HHIP: variants seen among roughly 807,000 people sequenced by gnomAD.
The protein encoded by HHIP is hedgehog interacting protein.
A neutral mutation model predicts 74.0 loss-of-function variants in HHIP; 12 were observed. That is an observed-to-expected ratio of 0.16 (90% CI 0.10 to 0.26). The LOEUF (loss-of-function observed/expected upper bound fraction) is 0.26. Among genes scored for constraint, HHIP ranks in the 10% least tolerant of loss-of-function variants. HHIP has a pLI of 1.00. For missense variants in HHIP, 788 were observed against 845.0 expected (o/e 0.93, Z 0.84); for synonymous variants, 309 against 311.6 (o/e 0.99, Z 0.09).
At chr4:144,665,598 T>C (rs969538581) in intron 4 of HHIP, among the ~76,000 whole-genome samples, 1 of 152,232 alleles carries the variant, frequency 6.6e-6, no homozygotes, top group Admixed American at 6.5e-5. Context: ...TAATGTGAAA[T>C]AACCTCAGTG....
At position 144,659,710 on chromosome 4, in the gene HHIP, A is replaced by G. The variant is rs769568380; in HGVS notation, c.703A>G (p.Ser235Gly). ...GCGGCAGCCCGTTGGTGCCCTGCAT[A>G]GTGGGGATGGCTCGCAACGTCTCTT... Reference protein sequence around the residue: ...GLRQPVGALHSGDGSQRLFIL... With the variant: ...GLRQPVGALHGGDGSQRLFIL... Residue 235 changes from serine (S) to glycine (G), a missense_variant, in exon 4 of 13, where the codon AGT becomes GGT. Ser to Gly is a moderately conservative substitution (Grantham distance 56, BLOSUM62 0). Around this residue, in one of 3 missense-constraint regions of HHIP, gnomAD observed 373 missense variants for 366.4 expected, o/e 1.02. Transcript: ENST00000296575. 1.9e-6 allele frequency: 3 copies of G among 1,608,238 alleles called. No homozygotes were observed. The highest frequency in any genetic ancestry group is 1.1e-5 in the South Asian group (1 of 89,614).
intron 4 of HHIP, among the ~76,000 whole-genome samples, chr4:144,684,789 A>G (rs1729442769): frequency 6.6e-6 from 1 of 152,184 alleles, no homozygotes. Context: ...AGTGAAAAGA[A>G]AGTGGCATTG....
intron 11 of HHIP, among the ~76,000 whole-genome samples, chr4:144,727,216 A>G (rs1488565994): frequency 6.6e-6 from 1 of 152,114 alleles, no homozygotes; most frequent in Non-Finnish European, 1.5e-5. Context: ...ACATATTGCC[A>G]CCTTCTCACT....
chr4:144,714,236 T>A lies in HHIP; in HGVS notation c.1435T>A (p.Ser479Thr). 6.2e-7 allele frequency: 1 copy of A among 1,612,968 alleles called. No individual in the cohort carries two copies. Among genetic ancestry groups the A allele is most frequent in the South Asian group, 1.1e-5 (1 of 91,022 alleles). ...IKGKDYESEP[S>T]LLEFKPFSNG... ...ATGTTTCTTTCCAGAAAGTGAGCCA[T>A]CACTTTTAGAATTCAAGCCATTCAG... is the stretch of plus-strand genomic sequence containing the variant. The change falls in exon 9 of 13, where the codon TCA becomes ACA. Residue 479 changes from serine (S) to threonine (T), a missense_variant. Around this residue, in one of 3 missense-constraint regions of HHIP, gnomAD observed 343 missense variants for 347.9 expected, o/e 0.99. Coordinates refer to ENST00000296575, the MANE Select transcript of HHIP (RefSeq NM_022475.3).
intron 4 of HHIP, among the ~76,000 whole-genome samples, chr4:144,689,316 T>C (rs1729580389): frequency 6.6e-6 from 1 of 152,252 alleles, no homozygotes; most frequent in Non-Finnish European, 1.5e-5. Context: ...AAGGAAATTA[T>C]GAGAATGACA....
At chr4:144,729,167 A>G (rs529622153) in intron 11 of HHIP, among the ~76,000 whole-genome samples, 2 of 152,288 alleles carry the variant, frequency 1.3e-5, no homozygotes, top group African/African-American at 4.8e-5. Flanking sequence ...CCACAGATGG[A>G]AGACAGTAAA....
At position 144,714,984 on chromosome 4, in the gene HHIP, C is replaced by G. The variant is rs1730404267; in HGVS notation, c.1548-316C>G. ...CTGACCCCATGCTCTTCCCCTGTTC[C>G]TCTCTCTGATTAATAGCACAGCATG... On this transcript the variant is annotated intron_variant, in intron 9 of 12. Coordinates refer to ENST00000296575, the MANE Select transcript of HHIP (RefSeq NM_022475.3). 3 of 214,576 alleles carry G rather than the reference C, an allele frequency of 1.4e-5. No individual in the cohort carries two copies. The South Asian group carries it at 2.3e-4, about 17-fold the overall frequency. The allele number at this position is 214,576 out of a possible 1,614,324, so 13.3% of individuals were successfully genotyped here.
At chr4:144,655,977 A>T (rs896096980) in intron 2 of HHIP, among the ~76,000 whole-genome samples, 3 of 152,176 alleles carry the variant, frequency 2.0e-5, no homozygotes, top group Non-Finnish European at 4.4e-5. Flanking sequence ...ACTTAAAAAA[A>T]ATACAGCTGC....
At chr4:144,658,744 C>T (rs764103190) in intron 2 of HHIP, 46 bp from the exon 3 acceptor site, 3 of 1,494,826 alleles carry the variant, frequency 2.0e-6, no homozygotes, top group Non-Finnish European at 2.7e-6. Context: ...GGTGGTTTTA[C>T]TATGACATTA....
At chr4:144,690,208 A>G (rs1729608836) in intron 4 of HHIP, among the ~76,000 whole-genome samples, 1 of 152,214 alleles carries the variant, frequency 6.6e-6, no homozygotes, top group Non-Finnish European at 1.5e-5. Flanking sequence ...CTATTAACCC[A>G]CACACTGAAT....
At chr4:144,709,297 G>A (rs1560714933) in intron 7 of HHIP, among the ~76,000 whole-genome samples, 1 of 152,096 alleles carries the variant, frequency 6.6e-6, no homozygotes, top group Non-Finnish European at 1.5e-5. Context: ...AATACTTAAG[G>A]TGGGTTCAGG....
Position 144,676,720 on chromosome 4 carries a change from G to C in HHIP, c.831+16882G>C, listed in dbSNP as rs1334537123. Among the ~76,000 whole-genome samples, 4 of 152,300 alleles carry C rather than the reference G, an allele frequency of 2.6e-5. No individual in the cohort carries two copies. In the East Asian group the frequency reaches 5.8e-4, roughly 22 times the overall value. On this transcript the variant is annotated intron_variant, in intron 4 of 12. Coordinates refer to ENST00000296575, the MANE Select transcript of HHIP (RefSeq NM_022475.3). Reference sequence around the variant, plus strand: ...TGCTTTCATCAGAGGAAGGTAAATGGGTGGTGGTCAGGAAAAGCAACAAGG... The same window carrying C: ...TGCTTTCATCAGAGGAAGGTAAATGCGTGGTGGTCAGGAAAAGCAACAAGG...
Position 144,713,890 on chromosome 4 carries a change from G to GT in HHIP, c.1424-325dup, listed in dbSNP as rs375406662. Among the ~76,000 whole-genome samples the GT allele has an allele frequency of 2.0e-3, 289 of 148,032 alleles. 2 individuals are homozygous for GT. The highest frequency in any genetic ancestry group is 2.7e-3 in the Non-Finnish European group (177 of 66,616). ...AAACTTAGTATGTAAAGCCTTAAAT[G>GT]TTTTTTTTTTAAGTATTTTGGTTCA... On this transcript the variant is annotated intron_variant, in intron 8 of 12. Coordinates refer to ENST00000296575, the MANE Select transcript of HHIP (RefSeq NM_022475.3).
Position 144,708,141 on chromosome 4 carries a change from C to T in HHIP, c.1158-27C>T, listed in dbSNP as rs201610517. 67 of 1,611,752 alleles carry T rather than the reference C, an allele frequency of 4.2e-5. No homozygotes were observed. The South Asian group carries it at 7.0e-4, about 17-fold the overall frequency. On this transcript the variant is annotated intron_variant, in intron 6 of 12. Transcript: ENST00000296575. Reference sequence around the variant, plus strand: ...TGAAATATATAATGAAAATGTAAAACACATACTCTGTCCCCCAATTTCTCA... The same window carrying T: ...TGAAATATATAATGAAAATGTAAAATACATACTCTGTCCCCCAATTTCTCA...
At chr4:144,711,046 T>TCCTA (rs10652914) in intron 7 of HHIP, among the ~76,000 whole-genome samples, 86,609 of 151,480 alleles carry the variant, frequency 0.57, 24,909 homozygotes, top group South Asian at 0.76. Context: ...AAGTTGCAAG[T>TCCTA]CCTCCCCTTA....
At chr4:144,668,403 G>A (rs1425568644) in intron 4 of HHIP, among the ~76,000 whole-genome samples, 1 of 151,948 alleles carries the variant, frequency 6.6e-6, no homozygotes, top group Non-Finnish European at 1.5e-5. Flanking sequence ...AATCTTTAAA[G>A]AGCAACAGTA....
intron 7 of HHIP, among the ~76,000 whole-genome samples, chr4:144,710,106 G>A (rs777016806): frequency 6.6e-6 from 1 of 152,190 alleles, no homozygotes; most frequent in Non-Finnish European, 1.5e-5. Flanking sequence ...GGGTCAAGCA[G>A]TTCTTAGTGG....
At chr4:144,689,674 G>C (rs889022360) in intron 4 of HHIP, among the ~76,000 whole-genome samples, 1 of 152,086 alleles carries the variant, frequency 6.6e-6, no homozygotes, top group Non-Finnish European at 1.5e-5. Context: ...TCAGAGGAAG[G>C]TTTAACATAA....
In HHIP at chr4:144,695,611, C is replaced by A. The variant is rs552677046; in HGVS notation, c.832-10920C>A. Among the ~76,000 whole-genome samples, 3 of 151,082 alleles carry A rather than the reference C, an allele frequency of 2.0e-5. No individual in the cohort carries two copies. In the Admixed American group the frequency reaches 2.0e-4, roughly 10 times the overall value. ...CAAATGTCGGGGTCTATTTCTTTCACCCCTTATATTTGTCTACTAAATAAA... is the reference window on the plus strand; with the variant it reads ...CAAATGTCGGGGTCTATTTCTTTCAACCCTTATATTTGTCTACTAAATAAA... On this transcript the variant is annotated intron_variant, in intron 4 of 12. Transcript: ENST00000296575.
Sources: allele counts gnomAD v4.1 joint callset (sites outside exome capture counted in the v4.1 genomes callset), GRCh38; gene constraint gnomAD v4.1.1; regional missense constraint gnomAD v4.1.1; transcripts MANE v1.5; gene names NCBI Gene and HGNC (gene_info 2026-07-23, HGNC 2026-07-21).